The following IMMP2L variants were observed in gnomAD, a reference collection of about 807,000 sequenced individuals.
IMMP2L encodes the protein mitochondrial inner membrane protease subunit 2.
A neutral mutation model predicts 19.3 loss-of-function variants in IMMP2L; 18 were observed. That is an observed-to-expected ratio of 0.93 (90% CI 0.64 to 1.38). IMMP2L has a LOEUF of 1.38. IMMP2L is among the 40% of genes most tolerant of loss of function. The pLI is 0.00. For synonymous variants in IMMP2L, 76 were observed against 73.0 expected, an observed-to-expected ratio of 1.04 and a Z score of -0.21; for missense variants, 233 against 218.2, an observed-to-expected ratio of 1.07 and a Z score of -0.43.
intron 3 of IMMP2L, chr7:111,122,749 A>T: frequency 6.3e-7 from 1 of 1,587,924 alleles, no homozygotes; most frequent in Non-Finnish European, 8.6e-7. Flanking sequence ...AGGGCCCATT[A>T]CATTTCTGAA....
At position 111,122,510 on chromosome 7, in the gene IMMP2L, T is replaced by TGGACATAGTATGTCTCCTATGG; in HGVS notation, c.240-158946_240-158945insCCATAGGAGACATACTATGTCC. 3 of 432,560 alleles carry TGGACATAGTATGTCTCCTATGG rather than the reference T, an allele frequency of 6.9e-6. No homozygotes were observed. The Admixed American group carries it at 1.2e-4, about 17-fold the overall frequency. 26.8% of individuals were successfully genotyped at this position (432,560 alleles called of 1,614,324 possible). The stretch of plus-strand genomic sequence containing the variant: ...TTACTCAATCTCCTATGACCATCTA[T>TGGACATAGTATGTCTCCTATGG]ACATACTCCACCTTCAAAAAGTACA... On this transcript the variant is annotated intron_variant, in intron 3 of 5. Transcript: ENST00000405709.
chr7:110,702,627 A>G (rs1794359210), intron 5 of IMMP2L, among the ~76,000 whole-genome samples: 4 of 152,112 alleles, frequency 2.6e-5, no homozygotes, highest in Admixed American at 2.6e-4. Flanking sequence ...AATGTATTGC[A>G]CATATTTTGT....
intron 3 of IMMP2L, among the ~76,000 whole-genome samples, chr7:111,233,289 CT>C (rs1813919589): frequency 6.6e-6 from 1 of 151,932 alleles, no homozygotes; most frequent in Non-Finnish European, 1.5e-5. Flanking sequence ...TGGTTAAATA[CT>C]TTTTGTATAT....
chr7:110,914,637 G>A lies in IMMP2L; in HGVS notation c.306-27942C>T, dbSNP rs115040618. 3.8e-3 allele frequency among the ~76,000 whole-genome samples: 573 copies of A among 152,256 alleles called. 6 individuals are homozygous for A. The highest frequency in any genetic ancestry group is 0.013 in the African/African-American group (552 of 41,550). ...ACCCAAGCTTTACCATAAATGTGAT[G>A]TTTGTTCCTGCTTCAATTTTAGCAA... On this transcript the variant is annotated intron_variant, in intron 4 of 5. Coordinates refer to ENST00000405709, the MANE Select transcript of IMMP2L (RefSeq NM_032549.4).
intron 3 of IMMP2L, among the ~76,000 whole-genome samples, chr7:111,377,887 C>G (rs1304681262): frequency 6.6e-6 from 1 of 151,828 alleles, no homozygotes; most frequent in African/African-American, 2.4e-5. Flanking sequence ...TAATACTATA[C>G]ATAGTATTAA....
chr7:111,304,003 T>C (rs540539886), intron 3 of IMMP2L, among the ~76,000 whole-genome samples: 1 of 152,118 alleles, frequency 6.6e-6, no homozygotes, highest in African/African-American at 2.4e-5. Context: ...AATTATCTCA[T>C]ACATTAATGG....
At chr7:111,326,806 A>G (rs1401882177) in intron 3 of IMMP2L, among the ~76,000 whole-genome samples, 1 of 151,782 alleles carries the variant, frequency 6.6e-6, no homozygotes, top group Admixed American at 6.6e-5. Flanking sequence ...AAAAAGAACT[A>G]CCATTTCTTG....
chr7:110,704,475 C>CT (rs1437352522), intron 5 of IMMP2L, among the ~76,000 whole-genome samples: 1 of 152,206 alleles, frequency 6.6e-6, no homozygotes, highest in Non-Finnish European at 1.5e-5. Flanking sequence ...TGCTGAGACT[C>CT]TATCGTAACC....
intron 5 of IMMP2L, among the ~76,000 whole-genome samples, chr7:110,706,804 AC>A (rs1230456593): frequency 1.3e-5 from 2 of 151,770 alleles, no homozygotes; most frequent in Non-Finnish European, 2.9e-5. Flanking sequence ...TTGCCTGCTT[AC>A]TCTATTGATA....
intron 4 of IMMP2L, among the ~76,000 whole-genome samples, chr7:110,944,646 T>C (rs186528230): frequency 4.6e-5 from 7 of 152,098 alleles, no homozygotes; most frequent in Non-Finnish European, 8.8e-5. Context: ...ACTAGTTAGT[T>C]ACCAGTTTAG....
intron 3 of IMMP2L, among the ~76,000 whole-genome samples, chr7:111,010,119 G>A (rs1222064608): frequency 6.6e-6 from 1 of 152,044 alleles, no homozygotes; most frequent in African/African-American, 2.4e-5. Context: ...AGATTTTACA[G>A]GCAAAGTAAA....
chr7:111,210,576 T>C (rs1811202489), intron 3 of IMMP2L, among the ~76,000 whole-genome samples: 1 of 152,174 alleles, frequency 6.6e-6, no homozygotes, highest in Non-Finnish European at 1.5e-5. Flanking sequence ...GCTTGATATA[T>C]TTTTAAGTAT....
intron 3 of IMMP2L, among the ~76,000 whole-genome samples, chr7:111,242,995 A>C (rs1815303489): frequency 6.6e-6 from 1 of 152,148 alleles, no homozygotes. Context: ...AGATCTTAAA[A>C]TATTTTTTTC....
intron 5 of IMMP2L, among the ~76,000 whole-genome samples, chr7:110,678,777 T>C (rs1342388654): frequency 6.6e-6 from 1 of 152,184 alleles, no homozygotes; most frequent in African/African-American, 2.4e-5. Flanking sequence ...TCTTCACCCA[T>C]GATATCCCTT....
chr7:110,782,337 A>G (rs564062710), intron 5 of IMMP2L, among the ~76,000 whole-genome samples: 1 of 151,930 alleles, frequency 6.6e-6, no homozygotes, highest in Non-Finnish European at 1.5e-5. Flanking sequence ...AAAAATAAAC[A>G]AACAGCATAA....
At chr7:110,915,814 A>G (rs1813549090) in intron 4 of IMMP2L, among the ~76,000 whole-genome samples, 1 of 152,198 alleles carries the variant, frequency 6.6e-6, no homozygotes, top group African/African-American at 2.4e-5. Context: ...GAAAGAGAGA[A>G]AAGAAAACTG....
At chr7:111,288,024 T>G (rs1397596497) in intron 3 of IMMP2L, among the ~76,000 whole-genome samples, 1 of 152,174 alleles carries the variant, frequency 6.6e-6, no homozygotes, top group Non-Finnish European at 1.5e-5. Flanking sequence ...ATTACCAACA[T>G]TACATTTCTA....
chr7:111,047,758 C>T (rs1792552168), intron 3 of IMMP2L, among the ~76,000 whole-genome samples: 1 of 152,154 alleles, frequency 6.6e-6, no homozygotes, highest in Non-Finnish European at 1.5e-5. Context: ...GGCTAGTTAA[C>T]AACCCAGCCA....
intron 3 of IMMP2L, among the ~76,000 whole-genome samples, chr7:111,165,247 C>T (rs942772046): frequency 1.2e-4 from 18 of 151,974 alleles, no homozygotes; most frequent in Non-Finnish European, 2.2e-4. Context: ...AGCATATGTC[C>T]GAACTTTCTT....
Sources: allele counts gnomAD v4.1 joint callset (sites outside exome capture counted in the v4.1 genomes callset), GRCh38; gene constraint gnomAD v4.1.1; transcripts MANE v1.5; gene names NCBI Gene and HGNC (gene_info 2026-07-23, HGNC 2026-07-21).